The following RPS6KA5 variants were observed in gnomAD, a reference collection of about 807,000 sequenced individuals.
RPS6KA5 encodes the protein ribosomal protein S6 kinase A5.
In RPS6KA5, 27 loss-of-function variants were observed where a neutral mutation model predicts 85.5. The observed-to-expected ratio is 0.32, with a 90% CI of 0.23 to 0.44. The LOEUF is 0.44. RPS6KA5 is among the 20% of genes least tolerant of loss of function. The pLI is 1.00. For missense variants in RPS6KA5, 811 were observed against 980.9 expected (o/e 0.83, Z 2.31); for synonymous variants, 334 against 348.2 (o/e 0.96, Z 0.46).
chr14:90,988,676 G>A (rs1424260747), intron 2 of RPS6KA5, among the ~76,000 whole-genome samples: 1 of 152,186 alleles, frequency 6.6e-6, no homozygotes, highest in African/African-American at 2.4e-5. Flanking sequence ...AGCCAGGCAT[G>A]GTGGCGGGCG....
At chr14:90,873,473 A>G (rs921868949) in intron 16 of RPS6KA5, among the ~76,000 whole-genome samples, 159 bp downstream of exon 16, 3 of 152,212 alleles carry the variant, frequency 2.0e-5, no homozygotes, top group Non-Finnish European at 4.4e-5. Context: ...TAAAGTGTTT[A>G]TAACCATGAA....
chr14:90,973,440 T>G (rs2039415013), intron 3 of RPS6KA5, among the ~76,000 whole-genome samples: 1 of 149,136 alleles, frequency 6.7e-6, no homozygotes, highest in Admixed American at 6.7e-5. Context: ...CGAGACTCCA[T>G]CTCGAAAAAA....
rs61230626 is a variant in RPS6KA5, at chr14:90,863,302, C to CAAAAAAAAAAAAAAAAAAAAAAAAAAA, written c.*8745_*8771dup. 4.0e-5 allele frequency: 1 copy of CAAAAAAAAAAAAAAAAAAAAAAAAAAA among 24,804 alleles called. No homozygotes were observed. Among genetic ancestry groups the CAAAAAAAAAAAAAAAAAAAAAAAAAAA allele is most frequent in the Non-Finnish European group, 8.7e-5 (1 of 11,454 alleles). 1.5% of individuals were successfully genotyped at this position (24,804 alleles called of 1,614,324 possible). On this transcript the variant is annotated 3_prime_UTR_variant, in exon 17 of 17. Transcript: ENST00000614987. ...TGGGTGGCAGAGCGAGACTCCGTCT[C>CAAAAAAAAAAAAAAAAAAAAAAAAAAA]AAAAAAAAAAAAAAAAAAAAAAAAA...
intron 1 of RPS6KA5, among the ~76,000 whole-genome samples, chr14:91,009,994 G>A (rs2041188799): frequency 6.7e-6 from 1 of 149,858 alleles, no homozygotes; most frequent in Non-Finnish European, 1.5e-5. Flanking sequence ...AGGTGGAAGT[G>A]CATGAAGACT....
intron 3 of RPS6KA5, among the ~76,000 whole-genome samples, chr14:90,964,688 AG>A (rs1351983035): frequency 6.6e-6 from 1 of 152,070 alleles, no homozygotes. Context: ...CTGAGATGGG[AG>A]GATCACTTGA....
At chr14:90,929,155 A>C (rs929358719) in intron 5 of RPS6KA5, among the ~76,000 whole-genome samples, 3 of 152,134 alleles carry the variant, frequency 2.0e-5, no homozygotes, top group African/African-American at 7.2e-5. Context: ...CCAAAAACCT[A>C]CAGCAAATAC....
At chr14:90,986,273 C>T (rs1222196363) in intron 2 of RPS6KA5, among the ~76,000 whole-genome samples, 2 of 152,014 alleles carry the variant, frequency 1.3e-5, no homozygotes, top group African/African-American at 2.4e-5. Flanking sequence ...CTACACATAC[C>T]AACTGTGTCA....
At chr14:90,916,339 A>G (rs1270684640) in intron 7 of RPS6KA5, among the ~76,000 whole-genome samples, 2 of 152,290 alleles carry the variant, frequency 1.3e-5, no homozygotes, top group East Asian at 1.9e-4. Flanking sequence ...AGTTCTTAGC[A>G]TATTTTGAAA....
chr14:90,928,827 C>G (rs2036820217), intron 5 of RPS6KA5, among the ~76,000 whole-genome samples: 1 of 150,916 alleles, frequency 6.6e-6, no homozygotes, highest in African/African-American at 2.4e-5. Context: ...CTTTATCTTA[C>G]ATAAACCATT....
At chr14:91,014,345 T>C (rs1374515111) in intron 1 of RPS6KA5, among the ~76,000 whole-genome samples, 1 of 151,696 alleles carries the variant, frequency 6.6e-6, no homozygotes, top group East Asian at 1.9e-4. Flanking sequence ...CTATTTAAAA[T>C]ACAAAAATTA....
intron 14 of RPS6KA5, among the ~76,000 whole-genome samples, chr14:90,885,466 T>A (rs1338159963): frequency 2.3e-5 from 3 of 131,770 alleles, no homozygotes; most frequent in Non-Finnish European, 4.7e-5. Flanking sequence ...GGCAGGAGAA[T>A]GGCGTGAACC....
In RPS6KA5 at chr14:90,851,573, G is replaced by A. The variant is rs897507944; in HGVS notation, c.*20501C>T. 2 of 152,122 alleles carry A rather than the reference G, an allele frequency of 1.3e-5. No individual in the cohort carries two copies. The highest frequency in any genetic ancestry group is 4.8e-5 in the African/African-American group (2 of 41,418). The allele number at this position is 152,122 out of a possible 1,614,324, so 9.4% of individuals were successfully genotyped here. ...TCAGGGTCACCAAGTCTGCAGCTAA[G>A]CTGGAAATAAAGTACCAAACTGCCT... On this transcript the variant is annotated 3_prime_UTR_variant, in exon 17 of 17. Coordinates refer to ENST00000614987, the MANE Select transcript of RPS6KA5 (RefSeq NM_004755.4).
intron 4 of RPS6KA5, among the ~76,000 whole-genome samples, chr14:90,946,631 T>C (rs79365686): frequency 0.013 from 1,913 of 152,250 alleles, 36 homozygotes; most frequent in African/African-American, 0.044. Flanking sequence ...GTGTAGGACC[T>C]GAATATAACA....
chr14:91,040,003 C>G (rs1016492596), intron 1 of RPS6KA5, among the ~76,000 whole-genome samples: 4 of 152,220 alleles, frequency 2.6e-5, no homozygotes, highest in Non-Finnish European at 5.9e-5. Context: ...AGAGTTATAA[C>G]TGACACAACT....
At chr14:90,957,643 G>A (rs2038592569) in intron 3 of RPS6KA5, among the ~76,000 whole-genome samples, 1 of 152,022 alleles carries the variant, frequency 6.6e-6, no homozygotes, top group African/African-American at 2.4e-5. Flanking sequence ...TTACTCCATG[G>A]TCTAGTCCAA....
chr14:90,903,351 G>C (rs1566718559), intron 8 of RPS6KA5, among the ~76,000 whole-genome samples: 1 of 152,112 alleles, frequency 6.6e-6, no homozygotes. Context: ...GTTTCCAAAG[G>C]CTCTACAGAT....
chr14:90,982,941 A>G (rs975763946), intron 2 of RPS6KA5, among the ~76,000 whole-genome samples: 1 of 152,062 alleles, frequency 6.6e-6, no homozygotes, highest in East Asian at 1.9e-4. Flanking sequence ...GTGAAACCCC[A>G]TCTCTACTAA....
At chr14:91,040,363 A>G (rs1436588542) in intron 1 of RPS6KA5, among the ~76,000 whole-genome samples, 1 of 152,228 alleles carries the variant, frequency 6.6e-6, no homozygotes, top group Non-Finnish European at 1.5e-5. Context: ...AGCCGAGATC[A>G]TGCCACTGCA....
rs1459210118 is a variant in RPS6KA5, at chr14:90,894,515, C to T, written c.1542G>A (p.Lys514=). 1.2e-6 allele frequency: 2 copies of T among 1,614,156 alleles called. No individual in the cohort carries two copies. Among genetic ancestry groups the T allele is most frequent in the South Asian group, 1.1e-5 (1 of 91,080 alleles). The change falls in exon 13 of 17, where the codon AAG becomes AAA. Residue 514 remains lysine, a synonymous_variant. Coordinates refer to ENST00000614987, the MANE Select transcript of RPS6KA5 (RefSeq NM_004755.4). ...GELFERIKKK[K]HFSETEASYI... is the part of the protein sequence containing the mutation. ...AGCTGGCTTCCGTCTCACTGAAGTG[C>T]TTCTTTTTCTTAATGCGCTCAAACA... is the stretch of plus-strand genomic sequence containing the variant.
Sources: gnomAD v4.1 joint callset for allele counts (sites outside exome capture counted in the v4.1 genomes callset) on GRCh38, gnomAD v4.1.1 for gene constraint, MANE v1.5 for transcripts, NCBI Gene and HGNC (gene_info 2026-07-23, HGNC 2026-07-21) for gene names.